Variants in COL1A2 observed in about 807,000 individuals in gnomAD.
COL1A2 encodes the protein collagen type I alpha 2 chain.
A neutral mutation model predicts 174.3 loss-of-function variants in COL1A2; 49 were observed. The ratio of observed to expected loss-of-function variants is 0.28; its 90% CI spans 0.22 to 0.36. The LOEUF is 0.36. Ranked by LOEUF, COL1A2 falls within the 10% of genes least tolerant of loss-of-function variation. COL1A2 has a pLI of 1.00. For missense variants in COL1A2, 1,438 were observed against 1,822.7 expected (o/e 0.79, Z 3.84); for synonymous variants, 655 against 606.6 (o/e 1.08, Z -1.17).
intron 48 of COL1A2, 39 bp downstream of exon 48, chr7:94,427,334 A>T: frequency 6.5e-7 from 1 of 1,538,998 alleles, no homozygotes; most frequent in Non-Finnish European, 8.9e-7. Context: ...AAGATCACGG[A>T]CCTAAGGAAT....
intron 48 of COL1A2, 38 bp downstream of exon 48, chr7:94,427,333 G>T (rs1388988048): frequency 1.3e-6 from 2 of 1,541,834 alleles, no homozygotes; most frequent in South Asian, 1.2e-5. Flanking sequence ...GAAGATCACG[G>T]ACCTAAGGAA....
rs1435578039 is a variant in COL1A2, at chr7:94,425,113, T to C, written c.2674-4T>C. 6.2e-7 allele frequency: 1 copy of C among 1,613,684 alleles called. No homozygotes were observed. Among genetic ancestry groups the C allele is most frequent in the Non-Finnish European group, 8.5e-7 (1 of 1,179,614 alleles). Reference sequence around the variant, plus strand: ...ATGTCATTTTATCTTCTCTGCCTGTTTAGGGTGAACCTGGTCCTCTTGGCA... The same window carrying C: ...ATGTCATTTTATCTTCTCTGCCTGTCTAGGGTGAACCTGGTCCTCTTGGCA... On this transcript the variant is annotated splice_polypyrimidine_tract_variant and splice_region_variant and intron_variant, in intron 41 of 51. Coordinates refer to ENST00000297268, the MANE Select transcript of COL1A2 (RefSeq NM_000089.4).
Position 94,413,972 on chromosome 7 carries a change from T to C in COL1A2, c.1665+25T>C, listed in dbSNP as rs375984976. On this transcript the variant is annotated intron_variant, in intron 28 of 51. Coordinates refer to ENST00000297268, the MANE Select transcript of COL1A2 (RefSeq NM_000089.4). ...GGTAAGTCAACTCAAACATATACAA[T>C]ACTGCCTTTGGTCAGCCTATTGAGC... 54 of 1,597,142 alleles carry C rather than the reference T, an allele frequency of 3.4e-5. No individual in the cohort carries two copies. The African/African-American group carries it at 6.0e-4, about 18-fold the overall frequency.
chr7:94,411,022 C>T, intron 22 of COL1A2, 34 bp from the exon 23 acceptor site: 1 of 1,602,674 alleles, frequency 6.2e-7, no homozygotes, highest in South Asian at 1.1e-5. Context: ...TAGCATCCTC[C>T]TCCTCTATCT....
rs754298725 is a variant in COL1A2, at chr7:94,401,614, A to G, written c.273A>G (p.Gly91=). The part of the protein sequence containing the change: ...YDGKGVGLGP[G]PMGLMGPRGP... ...GAAAAGGAGTTGGACTTGGCCCTGG[A>G]CCAATGGTATGCTTATCTGTTTATC... Residue 91 remains glycine, a synonymous_variant, in exon 6 of 52, where the codon GGA becomes GGG. Transcript: ENST00000297268. 3.8e-6 allele frequency: 6 copies of G among 1,590,014 alleles called. No individual in the cohort carries two copies. The South Asian group carries it at 6.7e-5, about 18-fold the overall frequency.
intron 16 of COL1A2, 97 bp downstream of exon 16, chr7:94,408,920 AAC>A: frequency 8.8e-7 from 1 of 1,142,212 alleles, no homozygotes; most frequent in South Asian, 1.3e-5. Flanking sequence ...ATAATTACGA[AAC>A]AGTTACCTTA....
chr7:94,396,332 GTGTGTGTGTGTC>G (rs945775649), intron 1 of COL1A2, among the ~76,000 whole-genome samples: 14 of 151,874 alleles, frequency 9.2e-5, no homozygotes, highest in African/African-American at 2.7e-4. Context: ...GTGTGTGTGT[GTGTGTGTGTGTC>G]TGTGTGTCTG....
rs3763466 is a variant in COL1A2, at chr7:94,406,580, C to T, written c.594+277C>T. ...CATTTCCTTTCCTCCCTCTATAATT[C>T]CAGTGTATCTCTGCAGCCAAAATAA... is the stretch of plus-strand genomic sequence containing the variant. On this transcript the variant is annotated intron_variant, in intron 12 of 51. Coordinates refer to ENST00000297268, the MANE Select transcript of COL1A2 (RefSeq NM_000089.4). Among the ~76,000 whole-genome samples, 50,735 of 151,778 alleles carry T rather than the reference C, an allele frequency of 0.33. 9,159 individuals are homozygous for T. Among genetic ancestry groups the T allele is most frequent in the South Asian group, 0.45 (2,134 of 4,794 alleles).
intron 2 of COL1A2, among the ~76,000 whole-genome samples, chr7:94,397,969 T>C (rs1791615511): frequency 1.3e-5 from 2 of 152,182 alleles, no homozygotes; most frequent in African/African-American, 4.8e-5. Flanking sequence ...TGAATAAGAC[T>C]AGGTTTATAA....
chr7:94,407,865 G>C lies in COL1A2; in HGVS notation c.613G>C (p.Gly205Arg). 1 of 1,613,920 alleles carries C rather than the reference G, an allele frequency of 6.2e-7. No individual in the cohort carries two copies. Among genetic ancestry groups the C allele is most frequent in the Non-Finnish European group, 8.5e-7 (1 of 1,179,888 alleles). Residue 205 changes from glycine (G) to arginine (R), a missense_variant, in exon 13 of 52, where the codon GGT (glycine) becomes CGT (arginine). By Grantham distance (125) the Gly-to-Arg change is moderately radical. Transcript: ENST00000297268. ...PGVKGEPGAP[G>R]ENGTPGQTGA... ...CATGTAGGGTGAACCTGGTGCCCCT[G>C]GTGAAAATGGAACTCCAGGTCAAAC... is the stretch of plus-strand genomic sequence containing the variant.
In COL1A2 at chr7:94,428,433, A is replaced by G. The variant is rs1300326463; in HGVS notation, c.3667A>G (p.Lys1223Glu). The change falls in exon 50 of 52, where the codon AAG becomes GAG. Residue 1223 changes from lysine to glutamate, a missense_variant. Physicochemically the swap from Lys to Glu is moderately conservative, Grantham distance 56. Coordinates refer to ENST00000297268, the MANE Select transcript of COL1A2 (RefSeq NM_000089.4). ...AKNWYRSSKD[K>E]KHVWLGETIN... ...GAACTGGTATAGGAGCTCCAAGGAC[A>G]AGAAACACGTCTGGCTAGGAGAAAC... 1 of 1,614,162 alleles carries G rather than the reference A, an allele frequency of 6.2e-7. No individual in the cohort carries two copies. Among genetic ancestry groups the G allele is most frequent in the South Asian group, 1.1e-5 (1 of 91,086 alleles).
Position 94,429,235 on chromosome 7 carries a change from A to G in COL1A2, c.3759A>G (p.Gln1253=). The change falls in exon 51 of 52, where the codon CAA becomes CAG. Residue 1253 remains glutamine, a synonymous_variant. Coordinates refer to ENST00000297268, the MANE Select transcript of COL1A2 (RefSeq NM_000089.4). The stretch of plus-strand genomic sequence containing the variant: ...TGACTTCCAAGGAAATGGCTACCCA[A>G]CTTGCCTTCATGCGCCTGCTGGCCA... ...EGVTSKEMAT[Q]LAFMRLLANY... is the part of the protein sequence containing the mutation. 1.9e-6 allele frequency: 3 copies of G among 1,613,240 alleles called. No homozygotes were observed. The highest frequency in any genetic ancestry group is 2.5e-6 in the Non-Finnish European group (3 of 1,179,396).
intron 45 of COL1A2, 105 bp from the exon 46 acceptor site, chr7:94,426,318 C>A (rs1488779701): frequency 3.7e-6 from 4 of 1,087,214 alleles, no homozygotes; most frequent in Non-Finnish European, 2.8e-6. Context: ...TAAACCATTA[C>A]ATGTCCTGAG....
At chr7:94,426,937 TGG>T (rs1792290078) in intron 46 of COL1A2, 69 bp from the exon 47 acceptor site, 1 of 1,379,448 alleles carries the variant, frequency 7.2e-7, no homozygotes, top group Non-Finnish European at 1.0e-6. Flanking sequence ...CCATTCAATT[TGG>T]AAAAAAAAAA....
intron 50 of COL1A2, 148 bp from the exon 51 acceptor site, chr7:94,429,040 G>A (rs1584332440): frequency 1.5e-6 from 1 of 684,458 alleles, no homozygotes; most frequent in Admixed American, 3.0e-5. Context: ...AGTGAATTAA[G>A]TTTTCTTTAA....
chr7:94,395,413 A>T (rs1293179780), intron 1 of COL1A2: 1 of 390,068 alleles, frequency 2.6e-6, no homozygotes, highest in African/African-American at 2.1e-5. Context: ...ATGAGATATT[A>T]ACGACCAATG....
chr7:94,430,028 GGTTTGTTTGTTT>G (rs927582959), intron 51 of COL1A2: 2 of 578,182 alleles, frequency 3.5e-6, no homozygotes, highest in Non-Finnish European at 3.1e-6. Context: ...TGGTTTTTTT[GGTTTGTTTGTTT>G]GTTTGTTTTT....
chr7:94,425,503 G>A (rs1227062276), intron 42 of COL1A2, 107 bp from the exon 43 acceptor site: 5 of 1,166,500 alleles, frequency 4.3e-6, no homozygotes, highest in Non-Finnish European at 6.4e-6. Context: ...CTGAAAGAGG[G>A]TTCGTTACTG....
chr7:94,425,596 TG>T lies in COL1A2; in HGVS notation c.2782-12del. On this transcript the variant is annotated splice_polypyrimidine_tract_variant and intron_variant, in intron 42 of 51. Coordinates refer to ENST00000297268, the MANE Select transcript of COL1A2 (RefSeq NM_000089.4). ...GCCTCACCAACAGCCTTAATTTGTGTGGTGTCTTCACAGGGCAACCCTGGGA... is the reference window on the plus strand; with the variant it reads ...GCCTCACCAACAGCCTTAATTTGTGTGTGTCTTCACAGGGCAACCCTGGGA... The T allele has an allele frequency of 6.2e-7, 1 of 1,613,856 alleles. No individual in the cohort carries two copies. Among genetic ancestry groups the T allele is most frequent in the African/African-American group, 1.3e-5 (1 of 75,020 alleles).
Sources: gnomAD v4.1 joint callset for allele counts (sites outside exome capture counted in the v4.1 genomes callset) on GRCh38, gnomAD v4.1.1 for gene constraint, MANE v1.5 for transcripts, NCBI Gene and HGNC (gene_info 2026-07-23, HGNC 2026-07-21) for gene names.